The following SUGCT variants were observed in gnomAD, a reference collection of about 807,000 sequenced individuals.
The protein encoded by SUGCT is succinyl-CoA:glutarate-CoA transferase, also known as succinyl-CoA:glutarate CoA-transferase.
Under a neutral mutation model 55.0 loss-of-function variants are expected in SUGCT, and 41 were observed. The ratio of observed to expected loss-of-function variants is 0.74; its 90% CI spans 0.58 to 0.97. The LOEUF is 0.97. Among genes scored for constraint, SUGCT ranks in the 50% least tolerant of loss-of-function variants. The pLI is 0.00. For missense variants in SUGCT, 568 were observed against 547.8 expected, an observed-to-expected ratio of 1.04 and a Z score of -0.37; for synonymous variants, 187 against 200.4, an observed-to-expected ratio of 0.93 and a Z score of 0.56.
intron 13 of SUGCT, among the ~76,000 whole-genome samples, chr7:40,811,895 G>A (rs1264826877): frequency 6.6e-6 from 1 of 152,116 alleles, no homozygotes; most frequent in Non-Finnish European, 1.5e-5. Context: ...GAGGTTGGCT[G>A]TAGGTTTGTC....
At chr7:40,343,163 G>C (rs921039119) in intron 9 of SUGCT, among the ~76,000 whole-genome samples, 4 of 152,036 alleles carry the variant, frequency 2.6e-5, no homozygotes, top group African/African-American at 9.7e-5. Flanking sequence ...GCCTTCCACC[G>C]ATAGCTTTAT....
the SUGCT span, among the ~76,000 whole-genome samples, chr7:40,958,459 T>G: frequency 6.6e-6 from 1 of 151,778 alleles, no homozygotes; most frequent in Non-Finnish European, 1.5e-5. Context: ...ATTTGGCTAT[T>G]GATACTTGTG....
intron 6 of SUGCT, among the ~76,000 whole-genome samples, chr7:40,210,267 C>T (rs1348832542): frequency 6.6e-6 from 1 of 151,778 alleles, no homozygotes; most frequent in Non-Finnish European, 1.5e-5. Flanking sequence ...AGGCTGGTCT[C>T]AAACTCCTGA....
chr7:40,476,474 T>C (rs1466768095), intron 11 of SUGCT, among the ~76,000 whole-genome samples: 1 of 152,226 alleles, frequency 6.6e-6, no homozygotes. Context: ...TTTGGAGTTC[T>C]CTTAATTTAT....
At chr7:40,294,105 G>A (rs565051389) in intron 8 of SUGCT, among the ~76,000 whole-genome samples, 2 of 152,058 alleles carry the variant, frequency 1.3e-5, no homozygotes, top group South Asian at 2.1e-4. Flanking sequence ...GCACTATGGC[G>A]CCCCACTATT....
the SUGCT span, among the ~76,000 whole-genome samples, chr7:40,889,893 T>A: frequency 6.6e-6 from 1 of 152,138 alleles, no homozygotes; most frequent in Non-Finnish European, 1.5e-5. Flanking sequence ...GATTCTACCC[T>A]TTTACCCCCT....
intron 12 of SUGCT, among the ~76,000 whole-genome samples, chr7:40,654,454 C>T (rs933429798): frequency 1.3e-5 from 2 of 152,124 alleles, no homozygotes; most frequent in African/African-American, 2.4e-5. Flanking sequence ...TAAGCTCCTC[C>T]GGTACCAGAA....
chr7:40,345,448 G>T (rs1797260819), intron 9 of SUGCT, among the ~76,000 whole-genome samples: 1 of 152,080 alleles, frequency 6.6e-6, no homozygotes, highest in East Asian at 1.9e-4. Context: ...ACATCAGTCT[G>T]AAAAATGCTT....
chr7:40,461,736 A>G (rs1304728053), intron 11 of SUGCT, among the ~76,000 whole-genome samples: 1 of 152,190 alleles, frequency 6.6e-6, no homozygotes, highest in Non-Finnish European at 1.5e-5. Context: ...TTATTTCCTA[A>G]CAAAAGTGTT....
intron 9 of SUGCT, among the ~76,000 whole-genome samples, chr7:40,404,205 A>C (rs896851503): frequency 3.9e-5 from 6 of 152,180 alleles, no homozygotes; most frequent in Non-Finnish European, 7.4e-5. Flanking sequence ...CAAGTTGCCC[A>C]GTTTTGCTGG....
intron 11 of SUGCT, among the ~76,000 whole-genome samples, chr7:40,470,687 C>G (rs995512148): frequency 4.6e-5 from 7 of 152,008 alleles, no homozygotes; most frequent in African/African-American, 1.7e-4. Flanking sequence ...TTCTCCTTTT[C>G]TCTAACTACA....
intron 13 of SUGCT, among the ~76,000 whole-genome samples, chr7:40,753,040 T>C (rs750812586): frequency 2.6e-5 from 4 of 152,164 alleles, no homozygotes; most frequent in Non-Finnish European, 4.4e-5. Flanking sequence ...ACATCTGAAT[T>C]CCTCATGAGA....
chr7:40,343,058 G>A (rs1442391979), intron 9 of SUGCT, among the ~76,000 whole-genome samples: 1 of 152,106 alleles, frequency 6.6e-6, no homozygotes, highest in East Asian at 1.9e-4. Context: ...AGTAATGACT[G>A]TTGGTGAACT....
intron 13 of SUGCT, among the ~76,000 whole-genome samples, chr7:40,815,750 C>T (rs1288309620): frequency 1.3e-5 from 2 of 152,154 alleles, no homozygotes; most frequent in Admixed American, 6.5e-5. Context: ...GAGGGCCTCC[C>T]TGTACCAGGA....
intron 12 of SUGCT, among the ~76,000 whole-genome samples, chr7:40,741,021 T>A (rs1422440954): frequency 6.6e-6 from 1 of 152,184 alleles, no homozygotes; most frequent in Non-Finnish European, 1.5e-5. Flanking sequence ...GGCTCACACC[T>A]GTAATCCCAG....
At chr7:40,821,675 C>T (rs1341555585) in intron 13 of SUGCT, among the ~76,000 whole-genome samples, 1 of 152,114 alleles carries the variant, frequency 6.6e-6, no homozygotes, top group African/African-American at 2.4e-5. Flanking sequence ...ACTAGTCTTG[C>T]TAGCGGTCTG....
intron 13 of SUGCT, among the ~76,000 whole-genome samples, chr7:40,802,668 A>T (rs1201129318): frequency 2.6e-5 from 4 of 152,194 alleles, no homozygotes; most frequent in Admixed American, 2.0e-4. Flanking sequence ...GAAGCTGTTC[A>T]CTTCAGCAGG....
chr7:40,638,058 T>C (rs187491808), intron 12 of SUGCT, among the ~76,000 whole-genome samples: 10 of 152,330 alleles, frequency 6.6e-5, no homozygotes, highest in African/African-American at 2.4e-4. Context: ...TGATTTCAGC[T>C]AATTTGCCAC....
At chr7:40,353,308 G>A (rs1797732762) in intron 9 of SUGCT, among the ~76,000 whole-genome samples, 1 of 152,098 alleles carries the variant, frequency 6.6e-6, no homozygotes, top group South Asian at 2.1e-4. Flanking sequence ...TCATAGACCA[G>A]CAGCATAGAT....
Sources: gnomAD v4.1 joint callset for allele counts (sites outside exome capture counted in the v4.1 genomes callset) on GRCh38, gnomAD v4.1.1 for gene constraint, MANE v1.5 for transcripts, NCBI Gene and HGNC (gene_info 2026-07-23, HGNC 2026-07-21) for gene names.